SOX5: variants seen among roughly 807,000 people sequenced by gnomAD.
The protein encoded by SOX5 is transcription factor SOX-5.
In SOX5, 9 loss-of-function variants were observed where a neutral mutation model predicts 92.0. That is an observed-to-expected ratio of 0.10 (90% CI 0.06 to 0.17). The LOEUF is 0.17. SOX5 is among the 10% of genes least tolerant of loss of function. SOX5 has a pLI of 1.00. For missense variants in SOX5, 642 were observed against 944.5 expected, an observed-to-expected ratio of 0.68 and a Z score of 4.20; for synonymous variants, 344 against 336.3, an observed-to-expected ratio of 1.02 and a Z score of -0.25.
intron 2 of SOX5, among the ~76,000 whole-genome samples, chr12:24,359,496 G>A (rs1438989355): frequency 6.6e-6 from 1 of 152,144 alleles, no homozygotes; most frequent in Non-Finnish European, 1.5e-5. Context: ...TTTACAAGGG[G>A]CACTAAAGAA....
intron 1 of SOX5, among the ~76,000 whole-genome samples, chr12:24,373,044 G>A: frequency 6.6e-6 from 1 of 151,720 alleles, no homozygotes; most frequent in East Asian, 1.9e-4. Context: ...TGTAAGCCTG[G>A]GAAGTGGAGG....
At chr12:24,176,439 T>C (rs1290077991) in intron 4 of SOX5, among the ~76,000 whole-genome samples, 2 of 152,030 alleles carry the variant, frequency 1.3e-5, no homozygotes, top group Admixed American at 6.6e-5. Flanking sequence ...CAAAGATGAG[T>C]AGAGAAACAG....
At chr12:24,427,799 C>A (rs1208746944) in intron 1 of SOX5, among the ~76,000 whole-genome samples, 2 of 152,122 alleles carry the variant, frequency 1.3e-5, no homozygotes, top group Non-Finnish European at 2.9e-5. Flanking sequence ...TATCTACCAG[C>A]GCTTGATAAA....
At chr12:24,404,746 C>T (rs188345468) in intron 1 of SOX5, among the ~76,000 whole-genome samples, 9 of 152,240 alleles carry the variant, frequency 5.9e-5, no homozygotes, top group South Asian at 2.1e-4. Context: ...TAATTGCGCT[C>T]CTCTGAACCC....
chr12:24,236,197 C>A (rs1268660378), intron 3 of SOX5, among the ~76,000 whole-genome samples: 1 of 151,548 alleles, frequency 6.6e-6, no homozygotes. Context: ...GACTCAGTCT[C>A]AAAAATAAAT....
chr12:24,137,966 ATAAAG>A (rs1950254002), intron 4 of SOX5, among the ~76,000 whole-genome samples: 1 of 152,238 alleles, frequency 6.6e-6, no homozygotes, highest in Non-Finnish European at 1.5e-5. Context: ...AGATTAGAAC[ATAAAG>A]TAAAGAATCC....
chr12:23,782,504 G>T (rs1000196209), intron 3 of SOX5, among the ~76,000 whole-genome samples: 3 of 152,030 alleles, frequency 2.0e-5, no homozygotes, highest in East Asian at 1.9e-4. Context: ...TAAAACTTTC[G>T]GATGTAAGGA....
At chr12:23,935,202 T>G (rs1942280821) in intron 1 of SOX5, among the ~76,000 whole-genome samples, 1 of 151,292 alleles carries the variant, frequency 6.6e-6, no homozygotes, top group Non-Finnish European at 1.5e-5. Context: ...TATTTTATCA[T>G]ATCTAATTGA....
At chr12:24,067,779 T>C (rs1941007812) in intron 4 of SOX5, among the ~76,000 whole-genome samples, 1 of 151,614 alleles carries the variant, frequency 6.6e-6, no homozygotes, top group African/African-American at 2.4e-5. Flanking sequence ...GAAAGGGGAG[T>C]AGGCAGTAGA....
At chr12:23,616,767 G>A (rs1361717867) in intron 8 of SOX5, among the ~76,000 whole-genome samples, 1 of 152,072 alleles carries the variant, frequency 6.6e-6, no homozygotes, top group Admixed American at 6.5e-5. Flanking sequence ...ATCAGGTCAA[G>A]CAAGAAAATG....
At chr12:23,657,298 T>C (rs2082431612) in intron 7 of SOX5, among the ~76,000 whole-genome samples, 1 of 152,192 alleles carries the variant, frequency 6.6e-6, no homozygotes, top group Non-Finnish European at 1.5e-5. Flanking sequence ...TCTTTCATCA[T>C]GTTTAAGCTA....
chr12:23,866,609 G>A (rs910335381), intron 2 of SOX5, among the ~76,000 whole-genome samples: 5 of 152,240 alleles, frequency 3.3e-5, no homozygotes, highest in African/African-American at 9.6e-5. Flanking sequence ...AGCCTACAAC[G>A]TCTCCAAGAT....
intron 6 of SOX5, among the ~76,000 whole-genome samples, chr12:23,706,254 C>A (rs2091376825): frequency 6.6e-6 from 1 of 152,018 alleles, no homozygotes; most frequent in Admixed American, 6.6e-5. Context: ...TGATGATATT[C>A]TCTAATAACT....
chr12:24,266,050 G>GTC lies in SOX5; in HGVS notation c.-77+11165_-77+11166insGA, dbSNP rs1409671696. Among the ~76,000 whole-genome samples the GTC allele has an allele frequency of 1.2e-3, 175 of 142,830 alleles. 1 individual carries two copies. Among genetic ancestry groups the GTC allele is most frequent in the African/African-American group, 4.7e-3 (171 of 36,632 alleles). 93.7% of individuals were successfully genotyped at this position (142,830 alleles called of 152,430 possible). ...TGCCAGCTAATGTGTGTGTGTGTGTGTGTGTGTGTGTGTGTGTGTGTGTGT... is the reference window on the plus strand; with the variant it reads ...TGCCAGCTAATGTGTGTGTGTGTGTGTCTGTGTGTGTGTGTGTGTGTGTGTGT... On this transcript the variant is annotated intron_variant, in intron 3 of 4. Transcript: ENST00000446891.
At chr12:23,689,916 T>C (rs1452033727) in intron 6 of SOX5, among the ~76,000 whole-genome samples, 2 of 152,194 alleles carry the variant, frequency 1.3e-5, no homozygotes, top group Non-Finnish European at 2.9e-5. Context: ...GGAAATGCTT[T>C]TTCAGATTCG....
At chr12:24,454,298 G>A in intron 1 of SOX5, among the ~76,000 whole-genome samples, 2 of 152,180 alleles carry the variant, frequency 1.3e-5, no homozygotes, top group East Asian at 3.8e-4. Context: ...TCCCACTTAA[G>A]CAAGCAACTC....
chr12:23,830,005 A>G (rs1470961630), intron 3 of SOX5, among the ~76,000 whole-genome samples: 1 of 152,174 alleles, frequency 6.6e-6, no homozygotes, highest in Non-Finnish European at 1.5e-5. Flanking sequence ...GAGCCTTTAC[A>G]ATCCAAGCCA....
At chr12:24,277,747 C>T (rs1320915707) in intron 2 of SOX5, among the ~76,000 whole-genome samples, 2 of 151,848 alleles carry the variant, frequency 1.3e-5, no homozygotes, top group Non-Finnish European at 2.9e-5. Context: ...ACAGGCTAAA[C>T]TAAGGTAGAT....
At chr12:24,146,946 C>T (rs1325833585) in intron 4 of SOX5, among the ~76,000 whole-genome samples, 1 of 152,056 alleles carries the variant, frequency 6.6e-6, no homozygotes, top group African/African-American at 2.4e-5. Context: ...ATAGATAACA[C>T]AAATAGCTTC....
Sources: gnomAD v4.1 joint callset for allele counts (sites outside exome capture counted in the v4.1 genomes callset) on GRCh38, gnomAD v4.1.1 for gene constraint, MANE v1.5 for transcripts, NCBI Gene and HGNC (gene_info 2026-07-23, HGNC 2026-07-21) for gene names.